C2CD3: variants seen among roughly 807,000 people sequenced by gnomAD.
C2CD3 encodes C2 domain-containing protein 3.
A neutral mutation model predicts 234.0 loss-of-function variants in C2CD3; 148 were observed. The observed-to-expected ratio is 0.63, with a 90% CI of 0.55 to 0.72. The LOEUF (loss-of-function observed/expected upper bound fraction) is 0.72, where lower values mean the gene tolerates loss of function less well. Ranked by LOEUF, C2CD3 falls within the 30% of genes least tolerant of loss-of-function variation. The pLI is 0.00. For missense variants in C2CD3, 2,577 were observed against 2,811.5 expected, an observed-to-expected ratio of 0.92 and a Z score of 1.89; for synonymous variants, 1,000 against 1,035.4, an observed-to-expected ratio of 0.97 and a Z score of 0.66.
In C2CD3 at chr11:74,057,500, CACA is replaced by C. The variant is rs749681061; in HGVS notation, c.4993_4995del (p.Cys1665del). The stretch of plus-strand genomic sequence containing the variant: ...GACTCATCGGCTGTTGCAAAGGATA[CACA>C]ACAACTGGGTATCGATACTTTCCGC... On this transcript the variant is annotated inframe_deletion, in exon 25 of 33. Transcript: ENST00000334126. 1.9e-6 allele frequency: 3 copies of C among 1,614,076 alleles called. No individual in the cohort carries two copies. Among genetic ancestry groups the C allele is most frequent in the Non-Finnish European group, 2.5e-6 (3 of 1,179,960 alleles).
In C2CD3 at chr11:74,093,791, T is replaced by C. The variant is rs773495415; in HGVS notation, c.3344+25A>G. ...TGATTGTGCACTTCCTTCCTAGGCATAGGACTGGGGTCTCCACACTGTACC... is the reference window on the plus strand; with the variant it reads ...TGATTGTGCACTTCCTTCCTAGGCACAGGACTGGGGTCTCCACACTGTACC... On this transcript the variant is annotated intron_variant, in intron 18 of 32. Transcript: ENST00000334126. The C allele has an allele frequency of 3.8e-6, 6 of 1,594,556 alleles. No homozygotes were observed. The African/African-American group carries it at 4.0e-5, about 11-fold the overall frequency.
Position 74,168,556 on chromosome 11 carries a change from C to T in C2CD3, c.113G>A (p.Arg38His), listed in dbSNP as rs772680893. ...SLPPLVEGQLRCFLKLTVNRV... is the reference protein window; with the variant it reads ...SLPPLVEGQLHCFLKLTVNRV... ...ATTAACAGTAAGTTTTAGAAAACAG[C>T]GTAGCTGGCCTTCAACCAGAGGTGG... The change falls in exon 2 of 33, where the codon CGC becomes CAC. Residue 38 changes from arginine to histidine, a missense_variant. Arg to His is a conservative substitution (Grantham distance 29, BLOSUM62 0). Transcript: ENST00000334126. 3.5e-5 allele frequency: 57 copies of T among 1,613,970 alleles called. No homozygotes were observed. The highest frequency in any genetic ancestry group is 1.6e-4 in the Middle Eastern group (1 of 6,084).
chr11:74,094,047 G>T, intron 17 of C2CD3, 48 bp from the exon 18 acceptor site: 1 of 1,459,226 alleles, frequency 6.9e-7, no homozygotes, highest in Non-Finnish European at 9.5e-7. Context: ...ATGACTTAGT[G>T]TTTTCTTCTT....
In C2CD3 at chr11:74,057,768, C is replaced by G. The variant is rs1056310672; in HGVS notation, c.4952-224G>C. 3.3e-5 allele frequency among the ~76,000 whole-genome samples: 5 copies of G among 151,998 alleles called. No homozygotes were observed. In the East Asian group the frequency reaches 9.6e-4, roughly 29 times the overall value. On this transcript the variant is annotated intron_variant, in intron 24 of 32. Coordinates refer to ENST00000334126, the MANE Select transcript of C2CD3 (RefSeq NM_001286577.2). ...GGAGGACAACTTGAGCGCAGAAATTCAAGACCAGCCTGGGCAATACAGTGA... is the reference window on the plus strand; with the variant it reads ...GGAGGACAACTTGAGCGCAGAAATTGAAGACCAGCCTGGGCAATACAGTGA...
intron 26 of C2CD3, among the ~76,000 whole-genome samples, chr11:74,050,796 C>G (rs1953642061): frequency 6.6e-6 from 1 of 151,382 alleles, no homozygotes; most frequent in Non-Finnish European, 1.5e-5. Flanking sequence ...ACTCTCCATA[C>G]CTGGCATAAC....
chr11:74,097,979 T>G (rs1453661570), intron 16 of C2CD3, 30 bp downstream of exon 16: 1 of 1,590,484 alleles, frequency 6.3e-7, no homozygotes, highest in Non-Finnish European at 8.6e-7. Flanking sequence ...AATGAAATAA[T>G]GACTTTTTGT....
chr11:74,148,789 C>G (rs1313049821), intron 3 of C2CD3, among the ~76,000 whole-genome samples: 2 of 152,176 alleles, frequency 1.3e-5, no homozygotes, highest in Non-Finnish European at 2.9e-5. Flanking sequence ...CAGCTCCTTA[C>G]TGGCTACACT....
intron 2 of C2CD3, among the ~76,000 whole-genome samples, chr11:74,165,391 T>C (rs1242403816): frequency 2.0e-5 from 3 of 152,206 alleles, no homozygotes. Flanking sequence ...ACAAGGTTAT[T>C]TTGCACTTGT....
chr11:74,111,969 CATAT>C lies in C2CD3; in HGVS notation c.1843+1807_1843+1810del, dbSNP rs1262518509. ...ACACACACACACACACACACACACA[CATAT>C]ATATATACACACACACATTATCTAT... On this transcript the variant is annotated intron_variant, in intron 11 of 32. Coordinates refer to ENST00000334126, the MANE Select transcript of C2CD3 (RefSeq NM_001286577.2). Among the ~76,000 whole-genome samples the C allele has an allele frequency of 1.8e-3, 153 of 84,488 alleles. 2 individuals carry two copies. The highest frequency in any genetic ancestry group is 6.8e-3 in the African/African-American group (146 of 21,500). The allele number at this position is 84,488 out of a possible 152,430, so 55.4% of individuals were successfully genotyped here. A position where few individuals can be genotyped will look rare whatever the true frequency, so the allele number is the denominator to read the frequency against.
chr11:74,119,705 C>T (rs11236004), intron 8 of C2CD3, among the ~76,000 whole-genome samples: 42,363 of 150,360 alleles, frequency 0.28, 6,145 homozygotes, highest in Admixed American at 0.35. Context: ...GCGCAATCTC[C>T]GCTCACTGCA....
chr11:74,114,712 T>C, intron 9 of C2CD3, 119 bp from the exon 10 acceptor site: 1 of 682,104 alleles, frequency 1.5e-6, no homozygotes, highest in Non-Finnish European at 2.5e-6. Flanking sequence ...TTTTTTATTT[T>C]TATTTTTGAC....
At chr11:74,083,893 C>T (rs926577681) in intron 22 of C2CD3, among the ~76,000 whole-genome samples, 14 of 152,260 alleles carry the variant, frequency 9.2e-5, no homozygotes, top group Admixed American at 3.9e-4. Flanking sequence ...GGCGATTCCT[C>T]AAGGATCTAG....
At chr11:74,169,936 C>T (rs1332769971) in intron 1 of C2CD3, among the ~76,000 whole-genome samples, 1 of 152,192 alleles carries the variant, frequency 6.6e-6, no homozygotes, top group Non-Finnish European at 1.5e-5. Flanking sequence ...CGCTAAACTG[C>T]CTACAATGCA....
chr11:74,170,385 C>G (rs1857095965), intron 1 of C2CD3, among the ~76,000 whole-genome samples: 1 of 152,198 alleles, frequency 6.6e-6, no homozygotes, highest in Non-Finnish European at 1.5e-5. Flanking sequence ...GATATAATCC[C>G]TTTGCCAATT....
At chr11:74,146,945 T>G (rs1590936205) in intron 3 of C2CD3, among the ~76,000 whole-genome samples, 1 of 151,564 alleles carries the variant, frequency 6.6e-6, no homozygotes, top group African/African-American at 2.4e-5. Context: ...CCCAGCTACT[T>G]GGGAGGCTGA....
chr11:74,090,362 G>A (rs1431453665), intron 20 of C2CD3, among the ~76,000 whole-genome samples: 1 of 152,094 alleles, frequency 6.6e-6, no homozygotes, highest in Admixed American at 6.5e-5. Flanking sequence ...TGAGGATCCC[G>A]CCACTGCACT....
chr11:74,100,202 A>T (rs1432879181), intron 15 of C2CD3, among the ~76,000 whole-genome samples: 2 of 152,182 alleles, frequency 1.3e-5, no homozygotes, highest in East Asian at 3.8e-4. Flanking sequence ...TTTATAATGT[A>T]TGTGACAAGT....
Position 74,122,190 on chromosome 11 carries a change from ATTCT to A in C2CD3, c.1365+794_1365+797del, listed in dbSNP as rs529347956. 2.4e-4 allele frequency among the ~76,000 whole-genome samples: 37 copies of A among 152,330 alleles called. No individual in the cohort carries two copies. In the South Asian group the frequency reaches 4.6e-3, roughly 19 times the overall value. The stretch of plus-strand genomic sequence containing the variant: ...AAAAATGTGTTTTTCTGCACAGGTC[ATTCT>A]TTCTACGCCCATTTTGTATCTTTTC... On this transcript the variant is annotated intron_variant, in intron 8 of 32. Transcript: ENST00000334126.
chr11:74,170,846 G>GTA lies in C2CD3; in HGVS notation c.-56_-55dup. The GTA allele has an allele frequency of 1.9e-6, 3 of 1,604,658 alleles. No homozygotes were observed. The highest frequency in any genetic ancestry group is 1.7e-6 in the Non-Finnish European group (2 of 1,174,740). Reference sequence around the variant, plus strand: ...CAACTCCGTCTCCAGCACCTAAGCAGTATCCTCCCGCCATCCCTCCCCACG... The same window carrying GTA: ...CAACTCCGTCTCCAGCACCTAAGCAGTATATCCTCCCGCCATCCCTCCCCACG... On this transcript the variant is annotated 5_prime_UTR_variant, in exon 1 of 33. The change creates a premature stop within an existing upstream ORF in the 5' untranslated region. Transcript: ENST00000334126.
Sources: allele counts gnomAD v4.1 joint callset (sites outside exome capture counted in the v4.1 genomes callset), GRCh38; gene constraint gnomAD v4.1.1; transcripts MANE v1.5; gene names NCBI Gene and HGNC (gene_info 2026-07-23, HGNC 2026-07-21).